The following DLG2 variants were observed in gnomAD, a reference collection of about 807,000 sequenced individuals.
DLG2 encodes the protein discs large MAGUK scaffold protein 2, also known as disks large homolog 2.
A neutral mutation model predicts 132.5 loss-of-function variants in DLG2; 45 were observed. That is an observed-to-expected ratio of 0.34 (90% CI 0.27 to 0.44). The LOEUF (loss-of-function observed/expected upper bound fraction) is 0.44. DLG2 is among the 20% of genes least tolerant of loss of function. The pLI is 1.00. For synonymous variants in DLG2, 424 were observed against 419.6 expected (o/e 1.01, Z -0.13); for missense variants, 1,045 against 1,196.9 (o/e 0.87, Z 1.87).
chr11:85,117,102 G>C (rs577585227), intron 5 of DLG2, among the ~76,000 whole-genome samples: 68 of 152,084 alleles, frequency 4.5e-4, no homozygotes, highest in Middle Eastern at 6.8e-3. Flanking sequence ...CTCAGAGTTC[G>C]TCAAGGCAAA....
chr11:85,560,299 G>A (rs2077166101), intron 3 of DLG2, among the ~76,000 whole-genome samples: 1 of 151,706 alleles, frequency 6.6e-6, no homozygotes, highest in Admixed American at 6.6e-5. Context: ...TACAGCAACA[G>A]TTTATATATT....
chr11:84,732,634 T>C (rs1380543816), intron 6 of DLG2, among the ~76,000 whole-genome samples: 1 of 151,682 alleles, frequency 6.6e-6, no homozygotes, highest in Non-Finnish European at 1.5e-5. Context: ...GAGAGTTTTA[T>C]GTATATATAT....
chr11:85,390,039 T>C (rs568988833), intron 3 of DLG2, among the ~76,000 whole-genome samples: 8 of 152,144 alleles, frequency 5.3e-5, no homozygotes, highest in Non-Finnish European at 1.0e-4. Context: ...ATGGCCTAAA[T>C]GCTCCACTTA....
intron 3 of DLG2, among the ~76,000 whole-genome samples, chr11:85,395,418 A>T (rs1311221666): frequency 6.6e-6 from 1 of 152,172 alleles, no homozygotes; most frequent in Non-Finnish European, 1.5e-5. Flanking sequence ...CAGTGGGTGC[A>T]GCCCATGGAG....
intron 7 of DLG2, among the ~76,000 whole-genome samples, chr11:84,457,816 C>T (rs1039184488): frequency 6.6e-6 from 1 of 150,834 alleles, no homozygotes; most frequent in African/African-American, 2.4e-5. Context: ...TTAAATACAA[C>T]AAATCTCATA....
chr11:85,273,577 T>A (rs1316799094), intron 4 of DLG2, among the ~76,000 whole-genome samples: 1 of 152,024 alleles, frequency 6.6e-6, no homozygotes, highest in Non-Finnish European at 1.5e-5. Flanking sequence ...ACCAGTTAGA[T>A]TGCTGATCAT....
chr11:84,792,745 T>C (rs904171697), intron 6 of DLG2, among the ~76,000 whole-genome samples: 2 of 152,268 alleles, frequency 1.3e-5, no homozygotes, highest in East Asian at 1.9e-4. Flanking sequence ...ATCTTTTGAA[T>C]TTTGGCAATA....
intron 7 of DLG2, among the ~76,000 whole-genome samples, chr11:84,370,112 C>T (rs1028958846): frequency 1.3e-5 from 2 of 152,008 alleles, no homozygotes; most frequent in African/African-American, 4.8e-5. Flanking sequence ...AGAGGATATC[C>T]CCTCTTTCTT....
intron 11 of DLG2, among the ~76,000 whole-genome samples, chr11:84,019,620 G>C (rs192031977): frequency 6.6e-6 from 1 of 152,240 alleles, no homozygotes; most frequent in Admixed American, 6.5e-5. Context: ...ATGTTAAGAT[G>C]AAGTTATTAG....
At chr11:85,474,491 G>A (rs2093078784) in intron 3 of DLG2, among the ~76,000 whole-genome samples, 1 of 151,870 alleles carries the variant, frequency 6.6e-6, no homozygotes. Context: ...GAACTGTGCT[G>A]TTCTAAAGGA....
chr11:85,536,084 G>A (rs1326327022), intron 3 of DLG2, among the ~76,000 whole-genome samples: 2 of 151,718 alleles, frequency 1.3e-5, no homozygotes, highest in Non-Finnish European at 2.9e-5. Context: ...TGGCAAGGTG[G>A]CACACACCTG....
intron 8 of DLG2, among the ~76,000 whole-genome samples, chr11:84,179,428 G>A (rs2154278253): frequency 6.6e-6 from 1 of 152,186 alleles, no homozygotes; most frequent in East Asian, 1.9e-4. Context: ...AAAAACCAAT[G>A]GGCAGATACC....
intron 14 of DLG2, among the ~76,000 whole-genome samples, chr11:83,962,230 A>G (rs890574835): frequency 2.6e-5 from 4 of 152,106 alleles, no homozygotes; most frequent in Non-Finnish European, 5.9e-5. Context: ...AAAATTGTGG[A>G]ACAATGTGTA....
chr11:84,008,923 GTTTTTT>G (rs548165150), intron 11 of DLG2, among the ~76,000 whole-genome samples: 2 of 138,664 alleles, frequency 1.4e-5, no homozygotes, highest in African/African-American at 5.4e-5. Context: ...ATTTTTTCTT[GTTTTTT>G]TTTTTTGTTG....
intron 6 of DLG2, among the ~76,000 whole-genome samples, chr11:84,847,557 A>G (rs1466265183): frequency 6.6e-6 from 1 of 152,182 alleles, no homozygotes; most frequent in Non-Finnish European, 1.5e-5. Flanking sequence ...AGGACTTGCT[A>G]GGTTGGAGAA....
At chr11:84,141,552 G>GA (rs1381118052) in intron 9 of DLG2, among the ~76,000 whole-genome samples, 1 of 151,660 alleles carries the variant, frequency 6.6e-6, no homozygotes. Flanking sequence ...AATGCCAAAT[G>GA]AAAAAAAATA....
In DLG2 at chr11:85,421,610, C is replaced by A. The variant is rs118137825; in HGVS notation, c.41-136245G>T. Among the ~76,000 whole-genome samples, 76 of 152,044 alleles carry A rather than the reference C, an allele frequency of 5.0e-4. No homozygotes were observed. In the East Asian group the frequency reaches 0.013, roughly 26 times the overall value. Reference sequence around the variant, plus strand: ...ATATAGTTGGTTAGTGAATTCTTAACCTTTCTGCAATTCTGTATCTTTTAA... The same window carrying A: ...ATATAGTTGGTTAGTGAATTCTTAAACTTTCTGCAATTCTGTATCTTTTAA... On this transcript the variant is annotated intron_variant, in intron 3 of 27. Transcript: ENST00000376104.
chr11:83,621,219 T>A (rs1197071354), intron 19 of DLG2, among the ~76,000 whole-genome samples: 1 of 152,158 alleles, frequency 6.6e-6, no homozygotes, highest in Non-Finnish European at 1.5e-5. Context: ...TTTTTAGAAT[T>A]CTTACTTGGT....
At chr11:85,437,405 C>T (rs1206721264) in intron 3 of DLG2, among the ~76,000 whole-genome samples, 1 of 151,858 alleles carries the variant, frequency 6.6e-6, no homozygotes, top group East Asian at 1.9e-4. Context: ...GCCAAAAAGT[C>T]ATAGAAAATA....
Sources: gnomAD v4.1 joint callset for allele counts (sites outside exome capture counted in the v4.1 genomes callset) on GRCh38, gnomAD v4.1.1 for gene constraint, MANE v1.5 for transcripts, NCBI Gene and HGNC (gene_info 2026-07-23, HGNC 2026-07-21) for gene names.